Variants in ZBTB20 observed in about 807,000 individuals in gnomAD.
ZBTB20 encodes zinc finger and BTB domain containing 20, also known as zinc finger and BTB domain-containing protein 20.
Under a neutral mutation model 56.9 loss-of-function variants are expected in ZBTB20, and 9 were observed. The ratio of observed to expected loss-of-function variants is 0.16; its 90% CI spans 0.10 to 0.28. ZBTB20 has a LOEUF of 0.28. Among genes scored for constraint, ZBTB20 ranks in the 10% least tolerant of loss-of-function variants. The probability of loss-of-function intolerance (pLI) is 1.00; values close to 1 mark genes in which losing one functional copy is unlikely to be tolerated. For synonymous variants in ZBTB20, 417 were observed against 420.7 expected, an observed-to-expected ratio of 0.99 and a Z score of 0.11; for missense variants, 655 against 1,003.0, an observed-to-expected ratio of 0.65 and a Z score of 4.69.
At chr3:114,403,120 T>C (rs1285995518) in intron 7 of ZBTB20, among the ~76,000 whole-genome samples, 1 of 152,148 alleles carries the variant, frequency 6.6e-6, no homozygotes, top group Non-Finnish European at 1.5e-5. Flanking sequence ...CAGAAGCTTG[T>C]AGTTAATATT....
At chr3:114,766,573 T>G (rs371772972) in intron 5 of ZBTB20, among the ~76,000 whole-genome samples, 4 of 150,120 alleles carry the variant, frequency 2.7e-5, no homozygotes, top group South Asian at 2.1e-4. Flanking sequence ...GAAGAAATAC[T>G]TCATGGAACA....
chr3:114,609,658 T>G (rs1189851068), intron 6 of ZBTB20, among the ~76,000 whole-genome samples: 1 of 152,168 alleles, frequency 6.6e-6, no homozygotes, highest in Non-Finnish European at 1.5e-5. Flanking sequence ...GTAGACTATT[T>G]CCCTTAGACG....
chr3:114,411,722 C>G (rs1271458056), intron 7 of ZBTB20, among the ~76,000 whole-genome samples: 1 of 151,998 alleles, frequency 6.6e-6, no homozygotes, highest in Non-Finnish European at 1.5e-5. Flanking sequence ...TCTTCCCTCA[C>G]AAGGGAGGGA....
chr3:114,759,428 T>A (rs1350048554), intron 5 of ZBTB20, among the ~76,000 whole-genome samples: 1 of 152,130 alleles, frequency 6.6e-6, no homozygotes, highest in Non-Finnish European at 1.5e-5. Context: ...CACCAATTTG[T>A]ATTCAGATGG....
intron 7 of ZBTB20, among the ~76,000 whole-genome samples, chr3:114,497,421 T>C (rs2043409114): frequency 6.6e-6 from 1 of 152,194 alleles, no homozygotes. Context: ...TCAACCACCA[T>C]GTTTCAATCA....
intron 4 of ZBTB20, among the ~76,000 whole-genome samples, chr3:114,892,047 CAA>C (rs552755438): frequency 7.0e-6 from 1 of 142,128 alleles, no homozygotes; most frequent in Non-Finnish European, 1.6e-5. Flanking sequence ...ACTCCATCTC[CAA>C]AAAAAAAAAA....
At chr3:115,127,681 G>C (rs2084372974) in intron 1 of ZBTB20, among the ~76,000 whole-genome samples, 1 of 152,138 alleles carries the variant, frequency 6.6e-6, no homozygotes, top group African/African-American at 2.4e-5. Flanking sequence ...GAGCATCAGT[G>C]ATTCAAGAAA....
chr3:114,608,592 G>T (rs994498157), intron 6 of ZBTB20, among the ~76,000 whole-genome samples: 2 of 152,126 alleles, frequency 1.3e-5, no homozygotes, highest in African/African-American at 4.8e-5. Context: ...GACTCTCATA[G>T]CAAACCATAA....
chr3:115,047,833 C>A (rs770976698), intron 2 of ZBTB20, among the ~76,000 whole-genome samples: 19 of 152,112 alleles, frequency 1.2e-4, no homozygotes, highest in Non-Finnish European at 2.5e-4. Flanking sequence ...GCCTGCATTC[C>A]ACACAATGAC....
chr3:115,028,566 T>TA lies in ZBTB20; in HGVS notation c.-507+42652dup, dbSNP rs572723183. Among the ~76,000 whole-genome samples, 15 of 150,744 alleles carry TA rather than the reference T, an allele frequency of 1.0e-4. No homozygotes were observed. In the South Asian group the frequency reaches 3.1e-3, roughly 31 times the overall value. On this transcript the variant is annotated intron_variant, in intron 2 of 11. Transcript: ENST00000675478. ...GCATATATGGCTCACATTGTATTCC[T>TA]ATTAGTATTAATATAGATAATTTTG...
At chr3:114,522,784 A>G (rs1375558220) in intron 6 of ZBTB20, among the ~76,000 whole-genome samples, 1 of 152,144 alleles carries the variant, frequency 6.6e-6, no homozygotes, top group South Asian at 2.1e-4. Context: ...GAGTAACCCT[A>G]AAGGTGGAGC....
intron 7 of ZBTB20, among the ~76,000 whole-genome samples, chr3:114,444,571 G>A (rs1299381711): frequency 6.6e-6 from 1 of 152,122 alleles, no homozygotes; most frequent in Non-Finnish European, 1.5e-5. Context: ...TCAAGAAAAC[G>A]TGAGTTAGAA....
intron 3 of ZBTB20, among the ~76,000 whole-genome samples, chr3:114,950,740 T>C (rs1034583186): frequency 6.6e-6 from 1 of 152,138 alleles, no homozygotes; most frequent in South Asian, 2.1e-4. Context: ...CCACAATTCA[T>C]AATGGCTTCA....
At chr3:114,917,588 C>T (rs1330373136) in intron 3 of ZBTB20, among the ~76,000 whole-genome samples, 1 of 152,164 alleles carries the variant, frequency 6.6e-6, no homozygotes, top group African/African-American at 2.4e-5. Context: ...ATTGGGGGCA[C>T]TCCAGGGTCA....
intron 7 of ZBTB20, among the ~76,000 whole-genome samples, chr3:114,493,153 T>C (rs1200912642): frequency 6.6e-6 from 1 of 152,234 alleles, no homozygotes; most frequent in Admixed American, 6.5e-5. Flanking sequence ...ATTAGCTTTT[T>C]CACCCAATGT....
At chr3:115,096,666 G>A (rs1263646552) in intron 1 of ZBTB20, among the ~76,000 whole-genome samples, 1 of 152,194 alleles carries the variant, frequency 6.6e-6, no homozygotes, top group African/African-American at 2.4e-5. Flanking sequence ...AGATGTTGGG[G>A]TAACACGTTT....
chr3:114,467,174 CAT>C (rs1471835295), intron 7 of ZBTB20, among the ~76,000 whole-genome samples: 1 of 152,170 alleles, frequency 6.6e-6, no homozygotes, highest in Non-Finnish European at 1.5e-5. Context: ...GTGGGTGAAA[CAT>C]GTGGAAATGT....
At chr3:114,919,567 C>T (rs1297545125) in intron 3 of ZBTB20, among the ~76,000 whole-genome samples, 5 of 151,570 alleles carry the variant, frequency 3.3e-5, no homozygotes, top group Non-Finnish European at 5.9e-5. Context: ...TAGCCGGGTG[C>T]GGTGGCAGGT....
chr3:114,824,498 C>G (rs1055093288), intron 4 of ZBTB20, among the ~76,000 whole-genome samples: 7 of 151,894 alleles, frequency 4.6e-5, no homozygotes, highest in Non-Finnish European at 7.4e-5. Flanking sequence ...GCCACACAAA[C>G]AGGAATTCGG....
Sources: gnomAD v4.1 joint callset for allele counts (sites outside exome capture counted in the v4.1 genomes callset) on GRCh38, gnomAD v4.1.1 for gene constraint, MANE v1.5 for transcripts, NCBI Gene and HGNC (gene_info 2026-07-23, HGNC 2026-07-21) for gene names.